RPGRIP1L: variants seen among roughly 807,000 people sequenced by gnomAD.
The protein encoded by RPGRIP1L is protein fantom.
In RPGRIP1L, 131 loss-of-function variants were observed where a neutral mutation model predicts 160.4. The observed-to-expected ratio is 0.82, with a 90% CI of 0.71 to 0.94. The LOEUF (loss-of-function observed/expected upper bound fraction) is 0.94, where lower values mean the gene tolerates loss of function less well. Among genes scored for constraint, RPGRIP1L ranks in the 40% least tolerant of loss-of-function variants. The pLI, the probability that RPGRIP1L is intolerant of heterozygous loss-of-function variation, is 0.00. For synonymous variants in RPGRIP1L, 510 were observed against 515.8 expected, an observed-to-expected ratio of 0.99 and a Z score of 0.15; for missense variants, 1,522 against 1,535.8, an observed-to-expected ratio of 0.99 and a Z score of 0.15.
chr16:53,665,971 A>C (rs923516844), intron 9 of RPGRIP1L, among the ~76,000 whole-genome samples: 14 of 152,158 alleles, frequency 9.2e-5, no homozygotes, highest in Non-Finnish European at 1.6e-4. Context: ...GCAGAAAACC[A>C]TTATCTATGA....
At chr16:53,665,917 A>G (rs1171843058) in intron 9 of RPGRIP1L, among the ~76,000 whole-genome samples, 1 of 152,190 alleles carries the variant, frequency 6.6e-6, no homozygotes, top group Non-Finnish European at 1.5e-5. Context: ...AGCTCCCCAG[A>G]TGATAGCCAG....
In RPGRIP1L at chr16:53,615,451, AATAT is replaced by A. The variant is rs1253551117; in HGVS notation, c.3616+3570_3616+3573del. Among the ~76,000 whole-genome samples, 201 of 122,380 alleles carry A rather than the reference AATAT, an allele frequency of 1.6e-3. 21 individuals are homozygous for A. The Middle Eastern group carries it at 0.04, about 24-fold the overall frequency. The allele number at this position is 122,380 out of a possible 152,430, so 80.3% of individuals were successfully genotyped here. On this transcript the variant is annotated intron_variant, in intron 24 of 26. Coordinates refer to ENST00000647211, the MANE Select transcript of RPGRIP1L (RefSeq NM_015272.5). ...GTTTTTCAGTGTTGGTATTTCTAAG[AATAT>A]ATATATATATATATATATTTTTTTT... is the stretch of plus-strand genomic sequence containing the variant.
chr16:53,643,916 A>G (rs1443246454), intron 17 of RPGRIP1L, among the ~76,000 whole-genome samples: 2 of 152,244 alleles, frequency 1.3e-5, no homozygotes. Flanking sequence ...CACATGTTAG[A>G]CTTGGCAAAG....
rs554144918 is a variant in RPGRIP1L, at chr16:53,607,992, G to A, written c.3702-2378C>T. The A allele has an allele frequency of 1.5e-3, 1,466 of 984,840 alleles. 2 individuals carry two copies. The highest frequency in any genetic ancestry group is 1.7e-3 in the Non-Finnish European group (1,387 of 829,410). The allele number at this position is 984,840 out of a possible 1,614,324, so 61.0% of individuals were successfully genotyped here. ...AAGAACGCTTACAGTCTAGTCTGAGGACCTGGATGGACACAGGGGGCAGAT... is the reference window on the plus strand; with the variant it reads ...AAGAACGCTTACAGTCTAGTCTGAGAACCTGGATGGACACAGGGGGCAGAT... On this transcript the variant is annotated intron_variant, in intron 25 of 26. Coordinates refer to ENST00000647211, the MANE Select transcript of RPGRIP1L (RefSeq NM_015272.5).
intron 4 of RPGRIP1L, among the ~76,000 whole-genome samples, chr16:53,690,518 C>A (rs1314052047): frequency 6.6e-6 from 1 of 152,090 alleles, no homozygotes; most frequent in African/African-American, 2.4e-5. Context: ...TTTTTAGAGA[C>A]TGTGTCTCAC....
At chr16:53,703,039 C>T (rs759158980) in intron 1 of RPGRIP1L, among the ~76,000 whole-genome samples, 7 of 152,148 alleles carry the variant, frequency 4.6e-5, no homozygotes, top group Non-Finnish European at 7.4e-5. Flanking sequence ...GAGGCCGAGA[C>T]GGGCGGCTGA....
In RPGRIP1L at chr16:53,636,452, T is replaced by C. The variant is rs749199377; in HGVS notation, c.3281A>G (p.Lys1094Arg). The change falls in exon 22 of 27, where the codon AAG becomes AGG. Residue 1094 changes from lysine to arginine, a missense_variant. By Grantham distance (26) the Lys-to-Arg change is conservative (BLOSUM62 2). Coordinates refer to ENST00000647211, the MANE Select transcript of RPGRIP1L (RefSeq NM_015272.5). ...DDCIIPGPIS[K>R]NIKQSLALSP... The stretch of plus-strand genomic sequence containing the variant: ...CAAGTTACTGACCTGTTTGATATTC[T>C]TGGAGATAGGACCTGGAATAATACA... 14 of 1,610,916 alleles carry C rather than the reference T, an allele frequency of 8.7e-6. No individual in the cohort carries two copies. In the East Asian group the frequency reaches 2.7e-4, roughly 31 times the overall value.
chr16:53,611,614 T>C (rs1964043787), intron 24 of RPGRIP1L, among the ~76,000 whole-genome samples: 2 of 152,330 alleles, frequency 1.3e-5, no homozygotes, highest in South Asian at 4.1e-4. Context: ...GTGAGGTTTT[T>C]GGTTTTAAAG....
intron 4 of RPGRIP1L, among the ~76,000 whole-genome samples, chr16:53,690,313 C>T (rs1399532339): frequency 2.6e-5 from 4 of 152,134 alleles, no homozygotes; most frequent in Non-Finnish European, 4.4e-5. Flanking sequence ...TCTCCTGCCT[C>T]GGCTTCCCAA....
rs1598310028 is a variant in RPGRIP1L at position 53,645,782 on chromosome 16, C to T, written c.2526G>A (p.Met842Ile). 2 of 1,614,100 alleles carry T rather than the reference C, an allele frequency of 1.2e-6. No individual in the cohort carries two copies. The highest frequency in any genetic ancestry group is 1.7e-6 in the Non-Finnish European group (2 of 1,179,994). Residue 842 changes from methionine to isoleucine, a missense_variant, in exon 17 of 27, where the codon ATG becomes ATA. Coordinates refer to ENST00000647211, the MANE Select transcript of RPGRIP1L (RefSeq NM_015272.5). ...SSNDPQFDDH[M>I]YFPVPMNMDL... is the part of the protein sequence containing the mutation. ...CCATATTCATTGGCACTGGGAAATA[C>T]ATATGATCATCAAACTGTGGATCAT... is the stretch of plus-strand genomic sequence containing the variant.
chr16:53,659,270 T>G, intron 10 of RPGRIP1L: 1 of 743,960 alleles, frequency 1.3e-6, no homozygotes, highest in Non-Finnish European at 1.7e-6. Context: ...GTTTTTTAAT[T>G]GACATCTTTG....
intron 22 of RPGRIP1L, among the ~76,000 whole-genome samples, chr16:53,629,748 T>A (rs769206649): frequency 6.6e-6 from 1 of 152,214 alleles, no homozygotes; most frequent in Non-Finnish European, 1.5e-5. Context: ...TTTTTTTTTC[T>A]GTAAAAGGAT....
intron 2 of RPGRIP1L, among the ~76,000 whole-genome samples, chr16:53,696,970 G>A (rs560075095): frequency 2.5e-4 from 38 of 152,252 alleles, no homozygotes; most frequent in African/African-American, 9.1e-4. Flanking sequence ...GGGGCGGGTG[G>A]ATCACCTGAG....
intron 9 of RPGRIP1L, among the ~76,000 whole-genome samples, chr16:53,667,535 C>T (rs746108819): frequency 4.6e-5 from 7 of 152,114 alleles, no homozygotes; most frequent in Non-Finnish European, 7.4e-5. Context: ...CCCAGGAGTT[C>T]AAGACCAGCC....
intron 24 of RPGRIP1L, among the ~76,000 whole-genome samples, chr16:53,617,350 A>C (rs1181712971): frequency 6.6e-6 from 1 of 152,164 alleles, no homozygotes; most frequent in African/African-American, 2.4e-5. Context: ...TACAAAAGCC[A>C]AAGAGTTTGT....
chr16:53,663,580 T>C (rs1028456277), intron 10 of RPGRIP1L, among the ~76,000 whole-genome samples: 1 of 152,032 alleles, frequency 6.6e-6, no homozygotes, highest in Non-Finnish European at 1.5e-5. Flanking sequence ...AAGCACTCTG[T>C]TAGGTATTTG....
chr16:53,610,997 A>G lies in RPGRIP1L; in HGVS notation c.3671T>C (p.Ile1224Thr). The G allele has an allele frequency of 6.2e-7, 1 of 1,612,870 alleles. No individual in the cohort carries two copies. The change falls in exon 25 of 27, where the codon ATA (isoleucine) becomes ACA (threonine). Residue 1224 changes from isoleucine (I) to threonine (T), a missense_variant. Coordinates refer to ENST00000647211, the MANE Select transcript of RPGRIP1L (RefSeq NM_015272.5). Reference protein sequence around the residue: ...NKAKRDILKAILQKQEMPNRS... With the variant: ...NKAKRDILKATLQKQEMPNRS... ...ATTAGGCATCTCTTGTTTTTGTAGT[A>G]TAGCTTTTAAGATGTCTCTCTTTGC...
Position 53,619,165 on chromosome 16 carries a change from T to C in RPGRIP1L, c.3476A>G (p.Asn1159Ser), listed in dbSNP as rs1964560874. The change falls in exon 24 of 27, where the codon AAT (asparagine) becomes AGT (serine). Residue 1159 changes from asparagine (N) to serine (S), a missense_variant. Transcript: ENST00000647211. ...IRIEIIALSL[N>S]DSQVTMDDTI... ...GTCATCCATGGTTACTTGAGAATCA[T>C]TAAGGCTTAGAGCTATGATCTCAAT... 1 of 1,613,998 alleles carries C rather than the reference T, an allele frequency of 6.2e-7. No individual in the cohort carries two copies. Among genetic ancestry groups the C allele is most frequent in the African/African-American group, 1.3e-5 (1 of 75,052 alleles).
At chr16:53,604,498 T>C (rs1337166293) in intron 26 of RPGRIP1L, among the ~76,000 whole-genome samples, 3 of 152,274 alleles carry the variant, frequency 2.0e-5, no homozygotes, top group African/African-American at 7.2e-5. Flanking sequence ...TCCCTGATTA[T>C]GATTTTTAAA....
Sources: allele counts gnomAD v4.1 joint callset (sites outside exome capture counted in the v4.1 genomes callset), GRCh38; gene constraint gnomAD v4.1.1; transcripts MANE v1.5; gene names NCBI Gene and HGNC (gene_info 2026-07-23, HGNC 2026-07-21).